The following ARHGEF1 variants were observed in gnomAD, a reference collection of about 807,000 sequenced individuals.
ARHGEF1 encodes the protein Rho guanine nucleotide exchange factor 1.
Under a neutral mutation model 119.7 loss-of-function variants are expected in ARHGEF1, and 40 were observed. The ratio of observed to expected loss-of-function variants is 0.33; its 90% CI spans 0.26 to 0.44. The LOEUF is 0.44. ARHGEF1 is among the 20% of genes least tolerant of loss of function. ARHGEF1 has a pLI of 1.00. For missense variants in ARHGEF1, 976 were observed against 1,268.3 expected (o/e 0.77, Z 3.50); for synonymous variants, 494 against 521.0 (o/e 0.95, Z 0.71).
At chr19:41,897,824 G>T (rs782459382) in intron 13 of ARHGEF1, 155 of 1,072,262 alleles carry the variant, frequency 1.4e-4, no homozygotes, top group South Asian at 6.2e-5. Context: ...CTCTGTCCCT[G>T]CCCTGGTCTC....
rs1053450616 is a variant in ARHGEF1 at position 41,888,821 on chromosome 19, G to A, written c.181G>A (p.Ala61Thr). 1 of 1,614,222 alleles carries A rather than the reference G, an allele frequency of 6.2e-7. No homozygotes were observed. Among genetic ancestry groups the A allele is most frequent in the African/African-American group, 1.3e-5 (1 of 75,064 alleles). ...QVKRRPAHLM[A>T]LLQHVALQFE... Reference sequence around the variant, plus strand: ...GAAGCGGCGCCCAGCCCACCTCATGGCCCTCCTGCAGCACGTGGCCCTGCA... The same window carrying A: ...GAAGCGGCGCCCAGCCCACCTCATGACCCTCCTGCAGCACGTGGCCCTGCA... Residue 61 changes from alanine to threonine, a missense_variant, in exon 4 of 29, where the codon GCC (alanine) becomes ACC (threonine). This residue lies in a region of ARHGEF1 where 519 missense variants were observed against 580.9 expected (regional missense o/e 0.89). Coordinates refer to ENST00000354532, the MANE Select transcript of ARHGEF1 (RefSeq NM_004706.4). This position sits in a 1 kb window ranked among gnomAD's most constrained non-coding sequence, Gnocchi z 5.1.
chr19:41,892,527 G>C lies in ARHGEF1; in HGVS notation c.368-76G>C. 1 of 1,570,956 alleles carries C rather than the reference G, an allele frequency of 6.4e-7. No individual in the cohort carries two copies. Among genetic ancestry groups the C allele is most frequent in the Non-Finnish European group, 8.7e-7 (1 of 1,154,772 alleles). ...GCGGCCTCAGGACGTGTGGCTGTTGGAGTCCAAGGGTGGGTGGGGACCGTG... is the reference window on the plus strand; with the variant it reads ...GCGGCCTCAGGACGTGTGGCTGTTGCAGTCCAAGGGTGGGTGGGGACCGTG... On this transcript the variant is annotated intron_variant, in intron 6 of 28. Transcript: ENST00000354532. The surrounding 1 kb of genome is among the most constrained non-coding windows in gnomAD (Gnocchi z 6.3).
chr19:41,903,573 C>T lies in ARHGEF1; in HGVS notation c.1840-134C>T. On this transcript the variant is annotated intron_variant, in intron 19 of 28. Coordinates refer to ENST00000354532, the MANE Select transcript of ARHGEF1 (RefSeq NM_004706.4). This position sits in a 1 kb window ranked among gnomAD's most constrained non-coding sequence, Gnocchi z 4.2. ...GCCCTCAGCATCTCCCTCTCAGGGTCATTGGAGGTCAGGCCCAACCCTCAG... is the reference window on the plus strand; with the variant it reads ...GCCCTCAGCATCTCCCTCTCAGGGTTATTGGAGGTCAGGCCCAACCCTCAG... 9.0e-7 allele frequency: 1 copy of T among 1,114,038 alleles called. No individual in the cohort carries two copies. Among genetic ancestry groups the T allele is most frequent in the Non-Finnish European group, 1.3e-6 (1 of 764,104 alleles). The allele number at this position is 1,114,038 out of a possible 1,614,324, so 69.0% of individuals were successfully genotyped here.
chr19:41,905,703 C>A lies in ARHGEF1; in HGVS notation c.2337-57C>A. ...CCACCTCCAGCTCTCTGTCTCCCTG[C>A]CCCTGCGGCCCCCCAGGGCCAGGGG... On this transcript the variant is annotated intron_variant, in intron 24 of 28. Coordinates refer to ENST00000354532, the MANE Select transcript of ARHGEF1 (RefSeq NM_004706.4). This position sits in a 1 kb window ranked among gnomAD's most constrained non-coding sequence, Gnocchi z 6.4. The A allele has an allele frequency of 6.3e-7, 1 of 1,578,608 alleles. No homozygotes were observed. The highest frequency in any genetic ancestry group is 8.7e-7 in the Non-Finnish European group (1 of 1,151,742).
chr19:41,907,335 G>C lies in ARHGEF1; in HGVS notation c.*248G>C, dbSNP rs540275472. On this transcript the variant is annotated 3_prime_UTR_variant, in exon 29 of 29. Coordinates refer to ENST00000354532, the MANE Select transcript of ARHGEF1 (RefSeq NM_004706.4). ...ATTCTGGAGGGCACCACGGTGACCC[G>C]GGCCATCTCAGTATTGCCTGTGGGG... 1 of 1,534,566 alleles carries C rather than the reference G, an allele frequency of 6.5e-7. No individual in the cohort carries two copies. Among genetic ancestry groups the C allele is most frequent in the Non-Finnish European group, 8.7e-7 (1 of 1,146,302 alleles).
chr19:41,896,725 C>G, intron 13 of ARHGEF1: 1 of 673,708 alleles, frequency 1.5e-6, no homozygotes, highest in Non-Finnish European at 2.7e-6. Flanking sequence ...CCTCTCCTTC[C>G]TTTTTTCACT....
At chr19:41,891,279 TTTTATTTA>T (rs1171980531) in intron 4 of ARHGEF1, among the ~76,000 whole-genome samples, 1 of 151,854 alleles carries the variant, frequency 6.6e-6, no homozygotes, top group Non-Finnish European at 1.5e-5. Flanking sequence ...TGATTTTGGG[TTTTATTTA>T]TTTATTTATT....
In ARHGEF1 at chr19:41,895,131, C is replaced by T. The variant is rs1456390397; in HGVS notation, c.878-218C>T. ...AGTTCCTGGGTCTGAGGGAGGAAGG[C>T]CTGGGGCCTGGACCTCTGGGTCTGA... On this transcript the variant is annotated intron_variant, in intron 11 of 28. Coordinates refer to ENST00000354532, the MANE Select transcript of ARHGEF1 (RefSeq NM_004706.4). Among the ~76,000 whole-genome samples the T allele has an allele frequency of 2.5e-5, 3 of 119,916 alleles. No individual in the cohort carries two copies. The East Asian group carries it at 8.4e-4, about 34-fold the overall frequency. 78.7% of individuals were successfully genotyped at this position (119,916 alleles called of 152,430 possible).
chr19:41,928,615 A>G (rs1555853548), intron 1 of ARHGEF1: 2 of 171,756 alleles, frequency 1.2e-5, no homozygotes, highest in Non-Finnish European at 2.5e-5. Context: ...GGCGCGGGGG[A>G]GGGGGCGGGG....
downstream of ARHGEF1, among the ~76,000 whole-genome samples, chr19:41,911,742 A>G (rs2074752883): frequency 1.3e-5 from 2 of 152,166 alleles, no homozygotes; most frequent in African/African-American, 4.8e-5. Context: ...ACACACCCAC[A>G]GGACCCCAAG....
At chr19:41,885,618 C>A (rs1198062247) in intron 1 of ARHGEF1, among the ~76,000 whole-genome samples, 2 of 152,128 alleles carry the variant, frequency 1.3e-5, no homozygotes, top group African/African-American at 4.8e-5. Context: ...CGTGCCACCA[C>A]GCCCAGCTAA....
At position 41,892,415 on chromosome 19, in the gene ARHGEF1, A is replaced by G. The variant is rs782800662; in HGVS notation, c.367+42A>G. ...GATGAGGGAGAGGTGTCTAGCGGGG[A>G]CCACACCTCCCAGGAGGCCAAGGGG... On this transcript the variant is annotated intron_variant, in intron 6 of 28. Coordinates refer to ENST00000354532, the MANE Select transcript of ARHGEF1 (RefSeq NM_004706.4). This position sits in a 1 kb window ranked among gnomAD's most constrained non-coding sequence, Gnocchi z 6.3. 6.2e-7 allele frequency: 1 copy of G among 1,612,850 alleles called. No individual in the cohort carries two copies. The highest frequency in any genetic ancestry group is 1.7e-5 in the Admixed American group (1 of 59,998).
In ARHGEF1 at chr19:41,906,811, G is replaced by A; in HGVS notation, c.*17+8G>A. The A allele has an allele frequency of 6.3e-7, 1 of 1,595,650 alleles. No homozygotes were observed. Among genetic ancestry groups the A allele is most frequent in the South Asian group, 1.1e-5 (1 of 89,066 alleles). On this transcript the variant is annotated splice_region_variant and intron_variant, in intron 28 of 28. Transcript: ENST00000354532. This position sits in a 1 kb window ranked among gnomAD's most constrained non-coding sequence, Gnocchi z 4.5. Reference sequence around the variant, plus strand: ...AGGTTCCCGCCCAGGAAGGTGAGTGGGGCACCTGGGGGCCAGGGCGCTGTC... The same window carrying A: ...AGGTTCCCGCCCAGGAAGGTGAGTGAGGCACCTGGGGGCCAGGGCGCTGTC...
downstream of ARHGEF1, among the ~76,000 whole-genome samples, chr19:41,910,609 GC>G (rs782674620): frequency 6.6e-5 from 10 of 152,158 alleles, no homozygotes; most frequent in Non-Finnish European, 1.2e-4. The surrounding 1 kb of genome is among the most constrained non-coding windows in gnomAD (Gnocchi z 4.4). Context: ...TATCCAGGCT[GC>G]AGCTCTGTGC....
At chr19:41,894,389 A>G in intron 9 of ARHGEF1, 62 bp from the exon 10 acceptor site, 1 of 1,521,654 alleles carries the variant, frequency 6.6e-7, no homozygotes, top group Non-Finnish European at 8.8e-7. Flanking sequence ...CCTAGCGTCA[A>G]ATTCTGCTTT....
In ARHGEF1 at chr19:41,889,018, A is replaced by G. The variant is rs1332884275; in HGVS notation, c.225+153A>G. ...TCTAGAAAGAGAGAATGCTTTAGAC[A>G]AGAGCCAGAAAGCATGCCACGTGAC... On this transcript the variant is annotated intron_variant, in intron 4 of 28. Transcript: ENST00000354532. The surrounding 1 kb of genome is among the most constrained non-coding windows in gnomAD (Gnocchi z 4.0). The G allele has an allele frequency of 3.0e-6, 2 of 660,498 alleles. No individual in the cohort carries two copies. The highest frequency in any genetic ancestry group is 5.1e-6 in the Non-Finnish European group (2 of 393,626). 40.9% of individuals were successfully genotyped at this position (660,498 alleles called of 1,614,324 possible).
intron 14 of ARHGEF1, among the ~76,000 whole-genome samples, chr19:41,900,482 T>C (rs2074583203): frequency 6.6e-6 from 1 of 152,200 alleles, no homozygotes; most frequent in Non-Finnish European, 1.5e-5. Flanking sequence ...ATGCATAATG[T>C]ACAAAATCGT....
At chr19:41,885,779 G>T (rs950509728) in intron 1 of ARHGEF1, among the ~76,000 whole-genome samples, 31 of 151,886 alleles carry the variant, frequency 2.0e-4, no homozygotes, top group Non-Finnish European at 7.4e-5. Context: ...TTAAGACAAG[G>T]TCTCACTCTG....
In ARHGEF1 at chr19:41,905,297, G is replaced by C; in HGVS notation, c.2336+36G>C. 1 of 1,576,074 alleles carries C rather than the reference G, an allele frequency of 6.3e-7. No individual in the cohort carries two copies. ...CCATGGAGAGAGCTGGAGGTTCAGG[G>C]AGTGGGGCCGGAAGGCGGGGCAGGC... On this transcript the variant is annotated intron_variant, in intron 24 of 28. Coordinates refer to ENST00000354532, the MANE Select transcript of ARHGEF1 (RefSeq NM_004706.4). This position sits in a 1 kb window ranked among gnomAD's most constrained non-coding sequence, Gnocchi z 6.4.
Sources: gnomAD v4.1 joint callset for allele counts (sites outside exome capture counted in the v4.1 genomes callset) on GRCh38, gnomAD v4.1.1 for gene constraint, gnomAD v4.1.1 regional missense constraint, Gnocchi (gnomAD v3.1) non-coding constraint, MANE v1.5 for transcripts, NCBI Gene and HGNC (gene_info 2026-07-23, HGNC 2026-07-21) for gene names.